GMDS: variants seen among roughly 807,000 people sequenced by gnomAD.
GMDS encodes GDP-mannose 4,6-dehydratase, also known as GDP-mannose 4,6 dehydratase.
Under a neutral mutation model 49.9 loss-of-function variants are expected in GMDS, and 20 were observed. The ratio of observed to expected loss-of-function variants is 0.40; its 90% CI spans 0.28 to 0.58. The LOEUF is 0.58. Ranked by LOEUF, GMDS falls within the 20% of genes least tolerant of loss-of-function variation. The pLI is 0.42. For synonymous variants in GMDS, 177 were observed against 178.6 expected, an observed-to-expected ratio of 0.99 and a Z score of 0.07; for missense variants, 362 against 481.4, an observed-to-expected ratio of 0.75 and a Z score of 2.32.
At chr6:1,985,141 G>A (rs1034731833) in intron 4 of GMDS, among the ~76,000 whole-genome samples, 5 of 152,146 alleles carry the variant, frequency 3.3e-5, no homozygotes, top group African/African-American at 1.2e-4. Context: ...TAAAAAAAGA[G>A]GCACATGGCA....
At chr6:1,936,071 C>G (rs1473219397) in intron 6 of GMDS, among the ~76,000 whole-genome samples, 1 of 152,158 alleles carries the variant, frequency 6.6e-6, no homozygotes, top group African/African-American at 2.4e-5. Context: ...ACAAAATTTT[C>G]AGGGTAGATT....
At chr6:2,165,753 G>T (rs757185910) in intron 1 of GMDS, among the ~76,000 whole-genome samples, 1 of 152,060 alleles carries the variant, frequency 6.6e-6, no homozygotes, top group African/African-American at 2.4e-5. Flanking sequence ...ATTCTCCACA[G>T]GACTTTAAAA....
intron 4 of GMDS, among the ~76,000 whole-genome samples, chr6:2,085,780 G>A (rs1489475060): frequency 1.3e-5 from 2 of 152,028 alleles, no homozygotes; most frequent in South Asian, 2.1e-4. Context: ...CACCTGCCTC[G>A]GCTTCCCAAA....
intron 8 of GMDS, among the ~76,000 whole-genome samples, chr6:1,731,361 T>C (rs1766798370): frequency 6.6e-6 from 1 of 152,196 alleles, no homozygotes; most frequent in African/African-American, 2.4e-5. Context: ...GAGAGGCACA[T>C]GCATTTCCAC....
intron 7 of GMDS, among the ~76,000 whole-genome samples, chr6:1,786,285 G>A (rs1156478278): frequency 6.6e-6 from 1 of 152,232 alleles, no homozygotes; most frequent in Non-Finnish European, 1.5e-5. Context: ...CAGAAAGATG[G>A]AAATGCAATG....
At position 2,191,278 on chromosome 6, in the gene GMDS, G is replaced by A. The variant is rs1779005279; in HGVS notation, c.102+54043C>T. ...GGGAAGGGCCGCAAGCGGGATGAGG[G>A]GGAGCTCTAGGCTGCCCCTGAGTGC... On this transcript the variant is annotated intron_variant, in intron 1 of 10. Transcript: ENST00000380815. This position sits in a 1 kb window ranked among gnomAD's most constrained non-coding sequence, Gnocchi z 4.6. Among the ~76,000 whole-genome samples the A allele has an allele frequency of 6.6e-6, 1 of 152,120 alleles. No individual in the cohort carries two copies. The highest frequency in any genetic ancestry group is 1.5e-5 in the Non-Finnish European group (1 of 67,982).
intron 4 of GMDS, among the ~76,000 whole-genome samples, chr6:2,082,881 C>T (rs1369458422): frequency 1.3e-5 from 2 of 152,258 alleles, no homozygotes; most frequent in South Asian, 4.1e-4. Context: ...AAACCGAACC[C>T]CAAAGTGGGT....
At chr6:1,897,613 A>G (rs571198878) in intron 7 of GMDS, among the ~76,000 whole-genome samples, 2 of 152,340 alleles carry the variant, frequency 1.3e-5, no homozygotes, top group East Asian at 3.9e-4. Flanking sequence ...ACTGAAAATG[A>G]GTGGCCAAGA....
chr6:1,780,092 A>C (rs1313212471), intron 7 of GMDS, among the ~76,000 whole-genome samples: 1 of 152,212 alleles, frequency 6.6e-6, no homozygotes, highest in African/African-American at 2.4e-5. Context: ...CCAAATCGAA[A>C]AAGAGCGAAG....
chr6:1,728,091 T>C (rs1469913195), intron 8 of GMDS, among the ~76,000 whole-genome samples: 2 of 152,224 alleles, frequency 1.3e-5, no homozygotes, highest in Admixed American at 6.5e-5. Context: ...GGTAAGTGGA[T>C]GTTTTGGAGC....
chr6:1,787,425 G>A (rs3823274), intron 7 of GMDS, among the ~76,000 whole-genome samples: 7 of 152,096 alleles, frequency 4.6e-5, no homozygotes, highest in African/African-American at 1.2e-4. Context: ...CTCAGAACAC[G>A]AGAGGCCCCA....
At chr6:1,784,237 TA>T (rs1769222747) in intron 7 of GMDS, among the ~76,000 whole-genome samples, 1 of 151,080 alleles carries the variant, frequency 6.6e-6, no homozygotes, top group African/African-American at 2.4e-5. Context: ...ACTGAAAATA[TA>T]AAAATTGGCT....
At chr6:2,129,184 C>G (rs1474164418) in intron 1 of GMDS, among the ~76,000 whole-genome samples, 2 of 152,106 alleles carry the variant, frequency 1.3e-5, no homozygotes, top group African/African-American at 4.8e-5. Flanking sequence ...CTATGAAAAG[C>G]TGAAAGAAAC....
At chr6:1,957,663 T>G (rs1354111405) in intron 6 of GMDS, among the ~76,000 whole-genome samples, 1 of 152,186 alleles carries the variant, frequency 6.6e-6, no homozygotes, top group Admixed American at 6.5e-5. Context: ...TCTTTGTATG[T>G]TTAAAGAGAG....
At chr6:2,109,885 T>G (rs1355205306) in intron 4 of GMDS, among the ~76,000 whole-genome samples, 3 of 152,202 alleles carry the variant, frequency 2.0e-5, no homozygotes, top group African/African-American at 7.2e-5. Flanking sequence ...CATTTCAGGA[T>G]GTTCTAACAG....
At chr6:1,905,170 C>G (rs1274770059) in intron 7 of GMDS, among the ~76,000 whole-genome samples, 1 of 152,254 alleles carries the variant, frequency 6.6e-6, no homozygotes, top group Non-Finnish European at 1.5e-5. Flanking sequence ...ATTCTCAGGG[C>G]AGCTGTGAGG....
Position 1,721,825 on chromosome 6 carries a change from T to C in GMDS, c.987+4591A>G, listed in dbSNP as rs1435205474. 2.0e-5 allele frequency among the ~76,000 whole-genome samples: 3 copies of C among 152,300 alleles called. No homozygotes were observed. The East Asian group carries it at 5.8e-4, about 29-fold the overall frequency. The stretch of plus-strand genomic sequence containing the variant: ...TATTAATAGGTCAATAGTAGTTTTC[T>C]CATATTTACACAATATTTCTGTACT... On this transcript the variant is annotated intron_variant, in intron 9 of 10. Coordinates refer to ENST00000380815, the MANE Select transcript of GMDS (RefSeq NM_001500.4).
intron 9 of GMDS, among the ~76,000 whole-genome samples, chr6:1,693,169 G>A (rs1308367716): frequency 6.6e-6 from 1 of 152,188 alleles, no homozygotes; most frequent in African/African-American, 2.4e-5. Flanking sequence ...TTTCCAGTCT[G>A]GCTGGTGGAA....
intron 4 of GMDS, among the ~76,000 whole-genome samples, chr6:1,964,978 A>G (rs1203512630): frequency 2.6e-5 from 4 of 151,886 alleles, no homozygotes; most frequent in African/African-American, 9.7e-5. Flanking sequence ...AGCTTCATCC[A>G]TGTCCCTACA....
Sources: allele counts gnomAD v4.1 joint callset (sites outside exome capture counted in the v4.1 genomes callset), GRCh38; gene constraint gnomAD v4.1.1; non-coding constraint Gnocchi (gnomAD v3.1); transcripts MANE v1.5; gene names NCBI Gene and HGNC (gene_info 2026-07-23, HGNC 2026-07-21).